Variants in NXN observed in about 807,000 individuals in gnomAD.
NXN encodes nucleoredoxin 1.
NXN carries 16 observed loss-of-function variants against 48.6 expected under a neutral mutation model. The observed-to-expected ratio is 0.33, with a 90% CI of 0.22 to 0.50. The LOEUF (loss-of-function observed/expected upper bound fraction) is 0.50. Among genes scored for constraint, NXN ranks in the 20% least tolerant of loss-of-function variants. The probability of loss-of-function intolerance (pLI) is 0.98; values close to 1 mark genes in which losing one functional copy is unlikely to be tolerated. For missense variants in NXN, 492 were observed against 605.5 expected (o/e 0.81, Z 1.97); for synonymous variants, 281 against 269.6 (o/e 1.04, Z -0.41).
At chr17:905,962 G>C (rs552679813) in intron 1 of NXN, among the ~76,000 whole-genome samples, 1 of 147,368 alleles carries the variant, frequency 6.8e-6, no homozygotes, top group South Asian at 2.2e-4. Flanking sequence ...GAACTACAGA[G>C]TGAGACCTTG....
intron 1 of NXN, among the ~76,000 whole-genome samples, chr17:923,220 C>A (rs1375547749): frequency 2.6e-5 from 4 of 152,148 alleles, no homozygotes. Flanking sequence ...GTTTTTACTA[C>A]AACATCTCCA....
At chr17:940,849 G>A (rs1362288297) in intron 1 of NXN, among the ~76,000 whole-genome samples, 4 of 150,446 alleles carry the variant, frequency 2.7e-5, no homozygotes, top group Non-Finnish European at 4.4e-5. Context: ...GATTTACAGT[G>A]AACAAGATTC....
At position 919,592 on chromosome 17, in the gene NXN, C is replaced by G. The variant is rs1431714746; in HGVS notation, c.360+59727G>C. ...CTCCTCGTATCGTGGGTTACAGAAC[C>G]TACGTCGTCCTCGGAATCCCCGCAT... On this transcript the variant is annotated intron_variant, in intron 1 of 7. Coordinates refer to ENST00000336868, the MANE Select transcript of NXN (RefSeq NM_022463.5). The surrounding 1 kb of genome is among the most constrained non-coding windows in gnomAD (Gnocchi z 5.1). Among the ~76,000 whole-genome samples, 1 of 152,106 alleles carries G rather than the reference C, an allele frequency of 6.6e-6. No homozygotes were observed. The highest frequency in any genetic ancestry group is 2.4e-5 in the African/African-American group (1 of 41,406).
intron 5 of NXN, among the ~76,000 whole-genome samples, chr17:807,671 C>T (rs989669983): frequency 2.0e-5 from 3 of 152,334 alleles, no homozygotes; most frequent in Middle Eastern, 3.4e-3. Context: ...TGTTGGGCCG[C>T]GTGACTGTCT....
At chr17:822,065 G>T (rs1912847948) in intron 4 of NXN, among the ~76,000 whole-genome samples, 1 of 152,074 alleles carries the variant, frequency 6.6e-6, no homozygotes, top group Non-Finnish European at 1.5e-5. Flanking sequence ...CGCCTCATGA[G>T]GTCAGGAGTT....
chr17:896,243 G>A (rs986307814), intron 1 of NXN, among the ~76,000 whole-genome samples: 7 of 151,980 alleles, frequency 4.6e-5, no homozygotes, highest in African/African-American at 1.7e-4. Context: ...GGGAGGCTGA[G>A]GCAGGAGAAT....
chr17:905,346 G>C (rs2068573681), intron 1 of NXN: 1 of 151,954 alleles, frequency 6.6e-6, no homozygotes, highest in South Asian at 2.1e-4. Context: ...GAGCCCAGGA[G>C]CTAAGAGGCT....
chr17:862,682 T>G (rs138906966), intron 1 of NXN, among the ~76,000 whole-genome samples: 1 of 152,356 alleles, frequency 6.6e-6, no homozygotes, highest in East Asian at 1.9e-4. Context: ...CTTTACAAAG[T>G]AGAGTGATCT....
intron 1 of NXN, among the ~76,000 whole-genome samples, chr17:972,136 A>G (rs529620167): frequency 6.6e-6 from 1 of 152,270 alleles, no homozygotes; most frequent in Non-Finnish European, 1.5e-5. Flanking sequence ...CCCCATCTCT[A>G]CTAAAAATAC....
At chr17:979,294 G>GGTAACGGGCGTGGGGGGCGGGCAGGA in intron 1 of NXN, 25 bp downstream of exon 1, 1 of 1,467,916 alleles carries the variant, frequency 6.8e-7, no homozygotes, top group Non-Finnish European at 9.0e-7. Flanking sequence ...GGCGGGCAGG[G>GGTAACGGGCGTGGGGGGCGGGCAGGA]GCCGGCGAGG....
At chr17:884,194 CT>C (rs2068317297) in intron 1 of NXN, among the ~76,000 whole-genome samples, 1 of 151,414 alleles carries the variant, frequency 6.6e-6, no homozygotes, top group Admixed American at 6.6e-5. Flanking sequence ...GCACTCCAGC[CT>C]GGGGGACTGA....
intron 1 of NXN, among the ~76,000 whole-genome samples, chr17:910,309 G>A (rs1451530181): frequency 6.6e-6 from 1 of 152,058 alleles, no homozygotes; most frequent in Non-Finnish European, 1.5e-5. Flanking sequence ...CTACTCAGAA[G>A]GCTGAGGGAG....
chr17:900,758 T>C (rs767260968), intron 1 of NXN, among the ~76,000 whole-genome samples: 18 of 152,148 alleles, frequency 1.2e-4, no homozygotes, highest in Non-Finnish European at 7.3e-5. Flanking sequence ...GTACCTTTTT[T>C]TCTCTTCATG....
At chr17:857,300 G>A (rs999896871) in intron 1 of NXN, among the ~76,000 whole-genome samples, 3 of 151,548 alleles carry the variant, frequency 2.0e-5, no homozygotes, top group South Asian at 2.1e-4. Flanking sequence ...TCGCTCTGTC[G>A]CCCAGGCTGG....
At chr17:819,979 T>C (rs1248572162) in intron 4 of NXN, among the ~76,000 whole-genome samples, 1 of 152,142 alleles carries the variant, frequency 6.6e-6, no homozygotes, top group Admixed American at 6.5e-5. Flanking sequence ...TAAAAAACCC[T>C]AGGAAAGGCA....
At chr17:812,966 TTGTAGG>T (rs150120032) in intron 5 of NXN, among the ~76,000 whole-genome samples, 9,933 of 145,810 alleles carry the variant, frequency 0.068, 431 homozygotes, top group Non-Finnish European at 0.089. Flanking sequence ...GTGTGCATGT[TTGTAGG>T]TGTGTGTGCA....
intron 1 of NXN, among the ~76,000 whole-genome samples, chr17:953,189 C>T (rs1019229210): frequency 3.3e-5 from 5 of 152,048 alleles, no homozygotes; most frequent in Admixed American, 6.6e-5. Flanking sequence ...CCGAGGCGGG[C>T]GGATCACCTG....
In NXN at chr17:841,571, CGG is replaced by C. The variant is rs1567827915; in HGVS notation, c.361-15495_361-15494del. Among the ~76,000 whole-genome samples, 166 of 111,770 alleles carry C rather than the reference CGG, an allele frequency of 1.5e-3. 11 individuals are homozygous for C. Among genetic ancestry groups the C allele is most frequent in the South Asian group, 2.9e-3 (10 of 3,508 alleles). 73.3% of individuals were successfully genotyped at this position (111,770 alleles called of 152,430 possible). A position where few individuals can be genotyped will look rare whatever the true frequency, so the allele number is the denominator to read the frequency against. ...CCGGCGAGCAGGTCCCCCCTGACCA[CGG>C]AGCATCTCACGCCGGCGAGCAGGTC... On this transcript the variant is annotated intron_variant, in intron 1 of 7. Transcript: ENST00000336868.
At chr17:941,948 T>C (rs374456200) in intron 1 of NXN, among the ~76,000 whole-genome samples, 6 of 48,074 alleles carry the variant, frequency 1.2e-4, no homozygotes, top group East Asian at 5.3e-4. Context: ...GATTCCAGGG[T>C]GCAGCCATGA....
Sources: gnomAD v4.1 joint callset for allele counts (sites outside exome capture counted in the v4.1 genomes callset) on GRCh38, gnomAD v4.1.1 for gene constraint, Gnocchi (gnomAD v3.1) non-coding constraint, MANE v1.5 for transcripts, NCBI Gene and HGNC (gene_info 2026-07-23, HGNC 2026-07-21) for gene names.